STK32B: variants seen among roughly 807,000 people sequenced by gnomAD.
STK32B encodes the protein serine/threonine-protein kinase 32B.
STK32B carries 43 observed loss-of-function variants against 52.6 expected under a neutral mutation model. The observed-to-expected ratio is 0.82, with a 90% CI of 0.64 to 1.05. The LOEUF is 1.05. Ranked by LOEUF, STK32B falls within the 50% of genes least tolerant of loss-of-function variation. STK32B has a pLI of 0.00. For missense variants in STK32B, 621 were observed against 534.6 expected (o/e 1.16, Z -1.59); for synonymous variants, 238 against 204.3 (o/e 1.17, Z -1.41).
chr4:5,439,801 C>T (rs1714528651), intron 6 of STK32B, among the ~76,000 whole-genome samples: 1 of 151,812 alleles, frequency 6.6e-6, no homozygotes, highest in Non-Finnish European at 1.5e-5. Flanking sequence ...GGAAGGGATC[C>T]AGTTTCAGCT....
intron 1 of STK32B, among the ~76,000 whole-genome samples, chr4:5,119,182 G>A (rs1038599302): frequency 2.6e-5 from 4 of 152,200 alleles, no homozygotes; most frequent in Admixed American, 2.0e-4. Context: ...AGCAGATCCC[G>A]CACCCTCACA....
intron 1 of STK32B, among the ~76,000 whole-genome samples, chr4:5,057,272 C>T (rs1262994916): frequency 6.6e-6 from 1 of 152,220 alleles, no homozygotes; most frequent in Non-Finnish European, 1.5e-5. Flanking sequence ...CTTCCTACTC[C>T]TGTCCTTCAG....
At chr4:5,359,047 G>T (rs987151747) in intron 4 of STK32B, among the ~76,000 whole-genome samples, 5 of 152,208 alleles carry the variant, frequency 3.3e-5, no homozygotes, top group African/African-American at 1.2e-4. Context: ...AATGTTCTAC[G>T]TGGGCTCACT....
intron 3 of STK32B, among the ~76,000 whole-genome samples, chr4:5,192,766 G>A (rs531132757): frequency 1.3e-5 from 2 of 152,080 alleles, no homozygotes; most frequent in Non-Finnish European, 2.9e-5. Context: ...CAAATTTCGA[G>A]TACACAAGTC....
chr4:5,037,041 T>C, the STK32B span, among the ~76,000 whole-genome samples: 1 of 152,154 alleles, frequency 6.6e-6, no homozygotes, highest in Admixed American at 6.5e-5. Context: ...TTGGCATTTT[T>C]GAGGGTCTGG....
chr4:5,055,041 G>T (rs1560128385), intron 1 of STK32B, among the ~76,000 whole-genome samples: 2 of 151,986 alleles, frequency 1.3e-5, no homozygotes, highest in African/African-American at 2.4e-5. Context: ...AAAAGGGCAC[G>T]TTAGCTGAGC....
At chr4:5,342,709 C>T (rs182764097) in intron 4 of STK32B, among the ~76,000 whole-genome samples, 194 of 152,294 alleles carry the variant, frequency 1.3e-3, no homozygotes, top group Admixed American at 6.8e-3. Context: ...AACTATATCA[C>T]CTGCCTAGTC....
chr4:5,030,512 T>A, the STK32B span, among the ~76,000 whole-genome samples: 1 of 152,252 alleles, frequency 6.6e-6, no homozygotes, highest in African/African-American at 2.4e-5. Context: ...CAATAGCTAA[T>A]GTGGATACAG....
At chr4:5,436,684 A>G (rs1451525124) in intron 6 of STK32B, 11 of 984,476 alleles carry the variant, frequency 1.1e-5, no homozygotes, top group Non-Finnish European at 1.3e-5. Flanking sequence ...AGGAGTTAGA[A>G]TCACGCAGAA....
At chr4:5,267,961 A>G (rs1727161581) in intron 3 of STK32B, among the ~76,000 whole-genome samples, 1 of 152,192 alleles carries the variant, frequency 6.6e-6, no homozygotes, top group Admixed American at 6.5e-5. Context: ...AGGGCTTGCC[A>G]GCGATGCTTG....
chr4:5,255,362 A>G (rs1286800508), intron 3 of STK32B, among the ~76,000 whole-genome samples: 1 of 152,206 alleles, frequency 6.6e-6, no homozygotes, highest in East Asian at 1.9e-4. Context: ...TATTATTTTC[A>G]GATCATCACA....
intron 9 of STK32B, among the ~76,000 whole-genome samples, chr4:5,461,490 G>A (rs1325833857): frequency 2.6e-5 from 4 of 152,166 alleles, no homozygotes; most frequent in Non-Finnish European, 4.4e-5. Flanking sequence ...TTCACAAACC[G>A]TGGTAGCAGC....
At chr4:5,428,128 C>T (rs1024048493) in intron 6 of STK32B, among the ~76,000 whole-genome samples, 1 of 151,954 alleles carries the variant, frequency 6.6e-6, no homozygotes, top group Non-Finnish European at 1.5e-5. Flanking sequence ...CATTTCTAGG[C>T]CAGGCGTGAT....
At chr4:5,477,178 T>A (rs908021301) in intron 11 of STK32B, among the ~76,000 whole-genome samples, 7 of 152,148 alleles carry the variant, frequency 4.6e-5, no homozygotes, top group African/African-American at 1.4e-4. Flanking sequence ...CTCCTCAAAA[T>A]TCAAACAAAA....
At chr4:5,070,999 C>G (rs1038359357) in intron 1 of STK32B, among the ~76,000 whole-genome samples, 4 of 152,232 alleles carry the variant, frequency 2.6e-5, no homozygotes, top group African/African-American at 9.6e-5. Flanking sequence ...GCTTCCAGAG[C>G]AAAATCTCAA....
chr4:5,288,353 G>A (rs1254066837), intron 3 of STK32B, among the ~76,000 whole-genome samples: 1 of 152,166 alleles, frequency 6.6e-6, no homozygotes, highest in Non-Finnish European at 1.5e-5. Flanking sequence ...CCATTTTGCA[G>A]TCCCATCAGC....
chr4:5,185,032 C>T (rs961553041), intron 3 of STK32B, among the ~76,000 whole-genome samples: 12 of 152,110 alleles, frequency 7.9e-5, no homozygotes, highest in African/African-American at 2.9e-4. Context: ...GTGTTCTCTC[C>T]TTCTCCTCCA....
rs150033955 is a variant in STK32B at position 5,213,114 on chromosome 4, C to G, written c.260+44664C>G. Among the ~76,000 whole-genome samples, 285 of 152,236 alleles carry G rather than the reference C, an allele frequency of 1.9e-3. 5 individuals carry two copies. In the East Asian group the frequency reaches 0.05, roughly 27 times the overall value. On this transcript the variant is annotated intron_variant, in intron 3 of 11. Transcript: ENST00000282908. ...ACTGCTGTTTTCAGGACACTTTTAA[C>G]CCATTATTGCTTTTCACTGTGATTT...
intron 6 of STK32B, among the ~76,000 whole-genome samples, chr4:5,444,323 G>T (rs1313211849): frequency 4.6e-5 from 7 of 152,220 alleles, no homozygotes; most frequent in Non-Finnish European, 7.3e-5. Context: ...TTTTAAGCCC[G>T]TCGGAAAAGC....
Sources: allele counts gnomAD v4.1 joint callset (sites outside exome capture counted in the v4.1 genomes callset), GRCh38; gene constraint gnomAD v4.1.1; transcripts MANE v1.5; gene names NCBI Gene and HGNC (gene_info 2026-07-23, HGNC 2026-07-21).